TEX9: variants seen among roughly 807,000 people sequenced by gnomAD.
TEX9 encodes the protein testis expressed 9.
A neutral mutation model predicts 59.6 loss-of-function variants in TEX9; 74 were observed. That is an observed-to-expected ratio of 1.24 (90% CI 1.03 to 1.51). TEX9 has a LOEUF of 1.51. TEX9 is among the 40% of genes most tolerant of loss of function. TEX9 has a pLI of 0.00. For synonymous variants in TEX9, 186 were observed against 152.2 expected (o/e 1.22, Z -1.64); for missense variants, 522 against 447.8 (o/e 1.17, Z -1.49).
intron 7 of TEX9, 40 bp downstream of exon 7, chr15:56,391,458 C>T: frequency 2.3e-6 from 3 of 1,304,258 alleles, no homozygotes; most frequent in African/African-American, 1.5e-5. Flanking sequence ...CTTTATAGCA[C>T]AGTTACTTAG....
At chr15:56,343,117 C>A (rs908356128) in intron 1 of TEX9, among the ~76,000 whole-genome samples, 1 of 151,988 alleles carries the variant, frequency 6.6e-6, no homozygotes, top group Non-Finnish European at 1.5e-5. Context: ...AAAGAAAAAT[C>A]TGATAGGTTT....
intron 9 of TEX9, among the ~76,000 whole-genome samples, chr15:56,399,973 A>C (rs900569019): frequency 6.6e-6 from 1 of 152,222 alleles, no homozygotes; most frequent in Non-Finnish European, 1.5e-5. Context: ...CCAAAACCCC[A>C]TCTGTAGTTA....
chr15:56,268,465 C>T (rs575112935), intron 1 of TEX9, among the ~76,000 whole-genome samples: 9 of 152,232 alleles, frequency 5.9e-5, no homozygotes, highest in African/African-American at 2.2e-4. Flanking sequence ...GTGGGTTTGT[C>T]GTAAATAGCT....
At chr15:56,249,205 C>T (rs1264167214) in intron 1 of TEX9, 1 of 152,116 alleles carries the variant, frequency 6.6e-6, no homozygotes, top group Non-Finnish European at 1.5e-5. Context: ...CCCTTCCATT[C>T]CAAGCAGGCT....
upstream of TEX9, chr15:56,365,321 C>A (rs924517745): frequency 7.8e-7 from 1 of 1,283,914 alleles, no homozygotes; most frequent in South Asian, 1.6e-5. Context: ...CTGCCAGAGG[C>A]TCGCGCCGCT....
intron 12 of TEX9, chr15:56,428,979 G>C: frequency 1.8e-6 from 1 of 567,400 alleles, no homozygotes; most frequent in Non-Finnish European, 3.0e-6. Flanking sequence ...GAAATTCAGT[G>C]ATGATTTACA....
At chr15:56,300,355 A>G (rs935709527) in intron 1 of TEX9, among the ~76,000 whole-genome samples, 14 of 152,050 alleles carry the variant, frequency 9.2e-5, no homozygotes, top group Non-Finnish European at 1.3e-4. Context: ...CTTTAATGGA[A>G]CATCAAATAG....
intron 1 of TEX9, among the ~76,000 whole-genome samples, chr15:56,310,886 C>T (rs1227031586): frequency 1.3e-5 from 2 of 152,186 alleles, no homozygotes; most frequent in East Asian, 1.9e-4. Flanking sequence ...ATGACATGCA[C>T]AGGCTTCCAC....
downstream of TEX9, chr15:56,446,889 T>C: frequency 6.2e-7 from 1 of 1,610,790 alleles, no homozygotes; most frequent in South Asian, 1.1e-5. Context: ...GAGCTGCCCT[T>C]TCTTTATTCA....
At chr15:56,247,428 G>A (rs2043886085) in intron 1 of TEX9, among the ~76,000 whole-genome samples, 1 of 152,148 alleles carries the variant, frequency 6.6e-6, no homozygotes, top group Non-Finnish European at 1.5e-5. Flanking sequence ...ATCATGGCTG[G>A]CATTTTAATT....
chr15:56,365,328 C>G (rs372211845), upstream of TEX9: 266 of 1,328,708 alleles, frequency 2.0e-4, no homozygotes, highest in East Asian at 5.9e-3. Context: ...AGGCTCGCGC[C>G]GCTCGCAGCA....
At chr15:56,427,718 T>A in exon 11 of TEX9, 1 of 1,493,282 alleles carries the variant, frequency 6.7e-7, no homozygotes, top group Non-Finnish European at 8.9e-7. Context: ...TAAAATTAAT[T>A]GATGTTTTAA....
At chr15:56,446,023 A>G (rs2050899263), downstream of TEX9, 1 of 152,016 alleles carries the variant, frequency 6.6e-6, no homozygotes, top group Non-Finnish European at 1.5e-5. Context: ...GACATTTTCT[A>G]TACTAACACA....
chr15:56,435,488 A>C (rs548212797), intron 12 of TEX9, among the ~76,000 whole-genome samples: 10 of 152,178 alleles, frequency 6.6e-5, no homozygotes, highest in Non-Finnish European at 1.0e-4. Flanking sequence ...AAAACATAGG[A>C]TATCACTAGA....
intron 1 of TEX9, among the ~76,000 whole-genome samples, chr15:56,273,269 A>G (rs946145458): frequency 1.3e-5 from 2 of 152,088 alleles, no homozygotes; most frequent in East Asian, 3.8e-4. Flanking sequence ...TTTTAACTCA[A>G]TATTATCTCT....
chr15:56,394,609 G>A, intron 8 of TEX9, 52 bp from the exon 9 acceptor site: 1 of 1,312,018 alleles, frequency 7.6e-7, no homozygotes, highest in East Asian at 2.4e-5. Flanking sequence ...GCTTTGTTTT[G>A]ATAACAAATC....
intron 9 of TEX9, among the ~76,000 whole-genome samples, chr15:56,403,733 A>G (rs1394624378): frequency 6.6e-6 from 1 of 152,224 alleles, no homozygotes; most frequent in African/African-American, 2.4e-5. Context: ...TTCAAACTAT[A>G]CTACAAGGCT....
At chr15:56,251,623 A>G (rs989175239) in intron 1 of TEX9, among the ~76,000 whole-genome samples, 17 of 152,164 alleles carry the variant, frequency 1.1e-4, no homozygotes, top group Admixed American at 1.3e-4. Context: ...AGAAACCATT[A>G]GACAACAACC....
At chr15:56,291,488 T>C (rs529113535) in intron 1 of TEX9, among the ~76,000 whole-genome samples, 12 of 152,210 alleles carry the variant, frequency 7.9e-5, no homozygotes, top group Non-Finnish European at 1.5e-4. Flanking sequence ...TTTTGATATA[T>C]GTATACATTA....
Sources: allele counts gnomAD v4.1 joint callset (sites outside exome capture counted in the v4.1 genomes callset), GRCh38; gene constraint gnomAD v4.1.1; transcripts MANE v1.5; gene names NCBI Gene and HGNC (gene_info 2026-07-23, HGNC 2026-07-21).